The following MBOAT7 variants were observed in gnomAD, a reference collection of about 807,000 sequenced individuals.
MBOAT7 encodes membrane-bound acylglycerophosphatidylinositol O-acyltransferase MBOAT7.
Under a neutral mutation model 47.4 loss-of-function variants are expected in MBOAT7, and 40 were observed. The ratio of observed to expected loss-of-function variants is 0.84; its 90% confidence interval spans 0.66 to 1.10. The LOEUF (loss-of-function observed/expected upper bound fraction) is 1.10, where lower values mean the gene tolerates loss of function less well. MBOAT7 is among the 50% of genes least tolerant of loss of function. The pLI is 0.00. For missense variants in MBOAT7, 680 were observed against 655.6 expected (o/e 1.04, Z -0.41); for synonymous variants, 361 against 292.0 (o/e 1.24, Z -2.41).
At position 54,178,790 on chromosome 19, in the gene MBOAT7, C is replaced by A; in HGVS notation, c.1006G>T (p.Ala336Ser). The change falls in exon 7 of 8, where the codon GCA becomes TCA. Residue 336 changes from alanine (A) to serine (S), a missense_variant. Ala to Ser is a moderately conservative substitution (Grantham distance 99). Transcript: ENST00000245615. ...WWLAQYIYKS[A>S]PARSYVLRSA... ...CGCAGGACATAGGAACGGGCAGGTG[C>A]GCTCTTGTAGATATACTGCGCCAGC... 6.2e-7 allele frequency: 1 copy of A among 1,613,378 alleles called. No homozygotes were observed. The highest frequency in any genetic ancestry group is 8.5e-7 in the Non-Finnish European group (1 of 1,179,998).
Position 54,180,692 on chromosome 19 carries a change from T to C in MBOAT7, c.854+81A>G. On this transcript the variant is annotated intron_variant, in intron 6 of 7. Coordinates refer to ENST00000245615, the MANE Select transcript of MBOAT7 (RefSeq NM_024298.5). This position sits in a 1 kb window ranked among gnomAD's most constrained non-coding sequence, Gnocchi z 5.2. ...GTGGCCCTGGCCCCTTGCTCCCCGCTCTCCTCCCGGCTAGGGGCAGAGCCA... is the reference window on the plus strand; with the variant it reads ...GTGGCCCTGGCCCCTTGCTCCCCGCCCTCCTCCCGGCTAGGGGCAGAGCCA... 1.5e-6 allele frequency: 2 copies of C among 1,344,532 alleles called. No individual in the cohort carries two copies. Among genetic ancestry groups the C allele is most frequent in the Non-Finnish European group, 2.0e-6 (2 of 1,019,294 alleles). 83.3% of individuals were successfully genotyped at this position (1,344,532 alleles called of 1,614,324 possible). A position where few individuals can be genotyped will look rare whatever the true frequency, so the allele number is the denominator to read the frequency against.
At chr19:54,177,977 C>A (rs1298407908) in intron 7 of MBOAT7, among the ~76,000 whole-genome samples, 1 of 131,192 alleles carries the variant, frequency 7.6e-6, no homozygotes, top group African/African-American at 2.9e-5. Context: ...GTGGCGAGAT[C>A]CCAGCTCCCT....
intron 7 of MBOAT7, among the ~76,000 whole-genome samples, chr19:54,174,855 G>A (rs955371344): frequency 6.6e-6 from 1 of 152,096 alleles, no homozygotes; most frequent in Non-Finnish European, 1.5e-5. Flanking sequence ...CCAGGAGCTC[G>A]CAGCCTTCCA....
intron 7 of MBOAT7, 72 bp from the exon 8 acceptor site, chr19:54,174,503 T>C: frequency 7.1e-7 from 1 of 1,414,734 alleles, no homozygotes; most frequent in Non-Finnish European, 9.3e-7. Flanking sequence ...GATCCAGGAG[T>C]CCAGGACCCC....
intron 7 of MBOAT7, chr19:54,178,506 T>A: frequency 7.3e-7 from 1 of 1,365,032 alleles, no homozygotes; most frequent in African/African-American, 1.5e-5. Flanking sequence ...GGCTATTGAG[T>A]CCACAGGACT....
rs910504806 is a variant in MBOAT7 at position 54,180,126 on chromosome 19, G to C, written c.854+647C>G. The C allele has an allele frequency of 1.3e-5, 2 of 152,218 alleles. No homozygotes were observed. The highest frequency in any genetic ancestry group is 3.9e-4 in the East Asian group (2 of 5,190). The allele number at this position is 152,218 out of a possible 1,614,324, so 9.4% of individuals were successfully genotyped here. On this transcript the variant is annotated intron_variant, in intron 6 of 7. Transcript: ENST00000245615. This position sits in a 1 kb window ranked among gnomAD's most constrained non-coding sequence, Gnocchi z 5.2. ...AGCAACAGTGTAACTGTAGTTGGTA[G>C]GAATGGCGTGCCCTCTGCTGGGGAA...
chr19:54,174,177 A>G lies in MBOAT7; in HGVS notation c.1286T>C (p.Ile429Thr). Residue 429 changes from isoleucine to threonine, a missense_variant, in exon 8 of 8, where the codon ATC (isoleucine) becomes ACC (threonine). By Grantham distance (89) the Ile-to-Thr change is moderately conservative (BLOSUM62 -1). Transcript: ENST00000245615. ...LADTLRYWAS[I>T]YFCIHFLALA... Reference sequence around the variant, plus strand: ...GGCCAGGAAGTGGATACAGAAGTAGATGGAGGCCCAGTACCGAAGGGTGTC... The same window carrying G: ...GGCCAGGAAGTGGATACAGAAGTAGGTGGAGGCCCAGTACCGAAGGGTGTC... 2 of 1,601,340 alleles carry G rather than the reference A, an allele frequency of 1.2e-6. No homozygotes were observed. Among genetic ancestry groups the G allele is most frequent in the Non-Finnish European group, 1.7e-6 (2 of 1,173,392 alleles).
In MBOAT7 at chr19:54,174,105, C is replaced by CT. The variant is rs745362588; in HGVS notation, c.1357dup (p.Ser453LysfsTer63). The CT allele has an allele frequency of 3.7e-6, 6 of 1,607,438 alleles. No homozygotes were observed. The South Asian group carries it at 6.6e-5, about 18-fold the overall frequency. On this transcript the variant is annotated frameshift_variant, in exon 8 of 8. Transcript: ENST00000245615. LOFTEE classifies it high-confidence loss of function. ...GGGCTGGGATGCTGCCTTCCGCCGG[C>CT]TGGGGCTGCCCCCACCTAAAGCCAG...
intron 6 of MBOAT7, 184 bp from the exon 7 acceptor site, chr19:54,179,125 A>T: frequency 2.6e-5 from 19 of 733,418 alleles, no homozygotes; most frequent in African/African-American, 3.5e-5. Flanking sequence ...TAGGGTAGGA[A>T]GGTGGGTGGG....
intron 3 of MBOAT7, among the ~76,000 whole-genome samples, 186 bp downstream of exon 3, chr19:54,188,015 CAGAAAGAAAGAAAGAA>C (rs374807150): frequency 5.6e-4 from 44 of 78,380 alleles, no homozygotes; most frequent in Admixed American, 2.1e-3. Flanking sequence ...AACTCCATCT[CAGAAAGAAAGAAAGAA>C]AGAAAGAAAG....
chr19:54,174,536 GA>G, intron 7 of MBOAT7, 105 bp from the exon 8 acceptor site: 1 of 1,216,676 alleles, frequency 8.2e-7, no homozygotes, highest in Non-Finnish European at 1.1e-6. Flanking sequence ...CTCAGACCGA[GA>G]AGTGCAGGCC....
At chr19:54,183,494 CAG>C (rs2076343089) in intron 5 of MBOAT7, 25 bp downstream of exon 5, 1 of 1,601,242 alleles carries the variant, frequency 6.2e-7, no homozygotes, top group Non-Finnish European at 8.5e-7. Flanking sequence ...GACAGAGCGG[CAG>C]AGTTGTTAGG....
chr19:54,179,781 A>G (rs927276401), intron 6 of MBOAT7: 1 of 152,240 alleles, frequency 6.6e-6, no homozygotes, highest in Non-Finnish European at 1.5e-5. Flanking sequence ...CCCCCACAAC[A>G]GAATGGCAGT....
At chr19:54,188,372 C>T in intron 2 of MBOAT7, 26 bp from the exon 3 acceptor site, 1 of 1,609,282 alleles carries the variant, frequency 6.2e-7, no homozygotes, top group Non-Finnish European at 8.5e-7. Flanking sequence ...ACAGCATAAG[C>T]CTGGAACCTT....
chr19:54,188,392 C>T (rs1376432292), intron 2 of MBOAT7, 41 bp downstream of exon 2: 3 of 1,588,018 alleles, frequency 1.9e-6, no homozygotes, highest in East Asian at 2.3e-5. Context: ...TCCAGAGGGT[C>T]CCCCCCCTTT....
At chr19:54,178,299 A>G (rs915139465) in intron 7 of MBOAT7, 8 of 1,007,808 alleles carry the variant, frequency 7.9e-6, no homozygotes, top group Non-Finnish European at 8.3e-6. Context: ...AACAATAAAA[A>G]TGAATACACA....
chr19:54,174,530 G>A, intron 7 of MBOAT7, 99 bp from the exon 8 acceptor site: 2 of 1,273,484 alleles, frequency 1.6e-6, no homozygotes, highest in South Asian at 3.2e-5. Flanking sequence ...TCCTCCCTCA[G>A]ACCGAGAAGT....
In MBOAT7 at chr19:54,188,411, C is replaced by T. The variant is rs779929002; in HGVS notation, c.76+22G>A. On this transcript the variant is annotated intron_variant, in intron 2 of 7. Coordinates refer to ENST00000245615, the MANE Select transcript of MBOAT7 (RefSeq NM_024298.5). ...GAGGGTCCCCCCCCTTTATTTTCCA[C>T]TGGGGAGGGAGCCTGACTCACCGGC... 7 of 1,574,998 alleles carry T rather than the reference C, an allele frequency of 4.4e-6. No individual in the cohort carries two copies. In the Admixed American group the frequency reaches 7.4e-5, roughly 17 times the overall value.
chr19:54,187,540 AC>A (rs1187519126), intron 3 of MBOAT7, among the ~76,000 whole-genome samples: 1 of 152,200 alleles, frequency 6.6e-6, no homozygotes, highest in Non-Finnish European at 1.5e-5. Flanking sequence ...TCGGGTGAAG[AC>A]CCTGCAATCC....
Sources: gnomAD v4.1 joint callset for allele counts (sites outside exome capture counted in the v4.1 genomes callset) on GRCh38, gnomAD v4.1.1 for gene constraint, Gnocchi (gnomAD v3.1) non-coding constraint, MANE v1.5 for transcripts, NCBI Gene and HGNC (gene_info 2026-07-23, HGNC 2026-07-21) for gene names.